The following ARHGAP22 variants were observed in gnomAD, a reference collection of about 807,000 sequenced individuals.
The protein encoded by ARHGAP22 is Rho GTPase activating protein 22.
A neutral mutation model predicts 59.1 loss-of-function variants in ARHGAP22; 48 were observed. The ratio of observed to expected loss-of-function variants is 0.81; its 90% CI spans 0.64 to 1.03. The LOEUF (loss-of-function observed/expected upper bound fraction) is 1.03. Among genes scored for constraint, ARHGAP22 ranks in the 50% least tolerant of loss-of-function variants. The pLI is 0.00. For synonymous variants in ARHGAP22, 445 were observed against 416.4 expected (o/e 1.07, Z -0.84); for missense variants, 1,015 against 958.7 (o/e 1.06, Z -0.78).
chr10:48,590,357 A>G (rs1032616464), intron 1 of ARHGAP22, among the ~76,000 whole-genome samples: 3 of 152,048 alleles, frequency 2.0e-5, no homozygotes, highest in African/African-American at 7.2e-5. Flanking sequence ...GGGAGGTGAC[A>G]GGATGTGGAG....
chr10:48,523,499 A>G (rs2054007532), intron 3 of ARHGAP22, among the ~76,000 whole-genome samples: 1 of 152,176 alleles, frequency 6.6e-6, no homozygotes, highest in African/African-American at 2.4e-5. Context: ...AGACTGCTGC[A>G]TTCCTCAAGC....
intron 5 of ARHGAP22, among the ~76,000 whole-genome samples, chr10:48,456,145 T>C (rs1337986901): frequency 6.6e-6 from 1 of 152,196 alleles, no homozygotes; most frequent in African/African-American, 2.4e-5. Flanking sequence ...GTTCATCTGC[T>C]TGTCTAGAAC....
At chr10:48,569,230 A>T (rs182700135) in intron 2 of ARHGAP22, among the ~76,000 whole-genome samples, 4 of 152,206 alleles carry the variant, frequency 2.6e-5, no homozygotes, top group African/African-American at 4.8e-5. Context: ...TTTTGCATTG[A>T]CCTGCCCTGG....
At chr10:48,456,052 TG>T (rs2046467522) in intron 5 of ARHGAP22, among the ~76,000 whole-genome samples, 1 of 152,138 alleles carries the variant, frequency 6.6e-6, no homozygotes, top group African/African-American at 2.4e-5. Context: ...GGGTCCTGTG[TG>T]GGGTCTGCAG....
chr10:48,534,591 T>C (rs1327351584), intron 3 of ARHGAP22, among the ~76,000 whole-genome samples: 1 of 152,238 alleles, frequency 6.6e-6, no homozygotes, highest in Non-Finnish European at 1.5e-5. Context: ...AATCACTTAG[T>C]GGCATACACG....
intron 3 of ARHGAP22, among the ~76,000 whole-genome samples, chr10:48,552,318 A>G (rs1590129439): frequency 1.3e-5 from 2 of 152,232 alleles, no homozygotes; most frequent in Non-Finnish European, 2.9e-5. Flanking sequence ...CTCCTTCCTC[A>G]TATCCTGCCC....
At chr10:48,490,150 G>A (rs1358218375) in intron 3 of ARHGAP22, among the ~76,000 whole-genome samples, 6 of 152,126 alleles carry the variant, frequency 3.9e-5, no homozygotes, top group African/African-American at 1.4e-4. Context: ...ACCTGTAGGG[G>A]GATGAAACCA....
chr10:48,633,667 T>G (rs2061705527), intron 1 of ARHGAP22, among the ~76,000 whole-genome samples: 1 of 152,212 alleles, frequency 6.6e-6, no homozygotes, highest in Non-Finnish European at 1.5e-5. Context: ...GGCCTGGCTT[T>G]CTCTAGACTG....
intron 1 of ARHGAP22, 31 bp downstream of exon 1, chr10:48,604,732 G>C (rs781032364): frequency 6.2e-7 from 1 of 1,614,102 alleles, no homozygotes; most frequent in Non-Finnish European, 8.5e-7. Flanking sequence ...CACATGCGGT[G>C]CCCAGAGAAA....
At chr10:48,452,940 C>T (rs1000805218) in intron 8 of ARHGAP22, among the ~76,000 whole-genome samples, 1 of 152,192 alleles carries the variant, frequency 6.6e-6, no homozygotes, top group Admixed American at 6.5e-5. Context: ...GAACCTATGA[C>T]AATTGCTTAA....
intron 2 of ARHGAP22, among the ~76,000 whole-genome samples, chr10:48,560,180 G>A (rs947756059): frequency 3.3e-5 from 5 of 152,034 alleles, no homozygotes; most frequent in East Asian, 1.9e-4. Context: ...GCTATTCTAG[G>A]CCCTTTAAAT....
chr10:48,434,550 CA>C, the ARHGAP22 span, among the ~76,000 whole-genome samples: 1 of 152,204 alleles, frequency 6.6e-6, no homozygotes, highest in Admixed American at 6.5e-5. Flanking sequence ...GTATTATCAG[CA>C]GTATTCACAC....
intron 4 of ARHGAP22, among the ~76,000 whole-genome samples, chr10:48,475,673 ACTT>A: frequency 6.6e-6 from 1 of 152,198 alleles, no homozygotes; most frequent in South Asian, 2.1e-4. Context: ...GAATTCAATG[ACTT>A]CTTATCGCCA....
chr10:48,651,949 G>A (rs924405288), intron 1 of ARHGAP22, among the ~76,000 whole-genome samples: 4 of 152,086 alleles, frequency 2.6e-5, no homozygotes, highest in Non-Finnish European at 5.9e-5. Context: ...TTGGACATAG[G>A]AGTCCTTACA....
At chr10:48,629,584 T>C (rs1183390093) in intron 1 of ARHGAP22, among the ~76,000 whole-genome samples, 1 of 152,234 alleles carries the variant, frequency 6.6e-6, no homozygotes, top group Non-Finnish European at 1.5e-5. Flanking sequence ...TGTCTATCAT[T>C]TTGCTCATAT....
chr10:48,539,805 G>A (rs1460445781), intron 3 of ARHGAP22, among the ~76,000 whole-genome samples: 2 of 152,144 alleles, frequency 1.3e-5, no homozygotes, highest in Non-Finnish European at 2.9e-5. Context: ...CTCTGGTACT[G>A]CAATTATAAT....
chr10:48,537,187 G>C (rs1415559803), intron 3 of ARHGAP22, among the ~76,000 whole-genome samples: 1 of 152,198 alleles, frequency 6.6e-6, no homozygotes, highest in Non-Finnish European at 1.5e-5. Flanking sequence ...CATTCCTTCA[G>C]GGCAGCCCTT....
chr10:48,463,186 G>T (rs2047319636), intron 4 of ARHGAP22, among the ~76,000 whole-genome samples: 1 of 152,156 alleles, frequency 6.6e-6, no homozygotes, highest in Non-Finnish European at 1.5e-5. Flanking sequence ...CTTTTGATAG[G>T]ACTCACACTT....
At position 48,579,757 on chromosome 10, in the gene ARHGAP22, C is replaced by T. The variant is rs545946173; in HGVS notation, c.234+3196G>A. On this transcript the variant is annotated intron_variant, in intron 2 of 9. Coordinates refer to ENST00000249601, the MANE Select transcript of ARHGAP22 (RefSeq NM_021226.4). Reference sequence around the variant, plus strand: ...GACAGTTACATCTGCTGGTGCAGCCCGTCCTACAGGAGAGTGCTGACCGCC... The same window carrying T: ...GACAGTTACATCTGCTGGTGCAGCCTGTCCTACAGGAGAGTGCTGACCGCC... Among the ~76,000 whole-genome samples the T allele has an allele frequency of 9.9e-5, 15 of 152,256 alleles. No homozygotes were observed. The South Asian group carries it at 2.1e-3, about 21-fold the overall frequency.
Sources: allele counts gnomAD v4.1 joint callset (sites outside exome capture counted in the v4.1 genomes callset), GRCh38; gene constraint gnomAD v4.1.1; transcripts MANE v1.5; gene names NCBI Gene and HGNC (gene_info 2026-07-23, HGNC 2026-07-21).